Variants in ALK observed in about 807,000 individuals in gnomAD.
ALK encodes ALK tyrosine kinase receptor.
A neutral mutation model predicts 163.1 loss-of-function variants in ALK; 74 were observed. The observed-to-expected ratio is 0.45, with a 90% CI of 0.38 to 0.55. The LOEUF is 0.55. Ranked by LOEUF, ALK falls within the 20% of genes least tolerant of loss-of-function variation. ALK has a pLI of 0.00. For missense variants in ALK, 2,063 were observed against 2,105.3 expected, an observed-to-expected ratio of 0.98 and a Z score of 0.39; for synonymous variants, 960 against 843.2, an observed-to-expected ratio of 1.14 and a Z score of -2.40.
chr2:29,315,462 C>G (rs976177501), intron 8 of ALK, among the ~76,000 whole-genome samples: 3 of 152,122 alleles, frequency 2.0e-5, no homozygotes, highest in Non-Finnish European at 4.4e-5. Flanking sequence ...AGTGACATCA[C>G]GCTATTTGGG....
chr2:29,293,072 G>A lies in ALK; in HGVS notation c.1817+3816C>T, dbSNP rs545852364. ...CAAAGAAAGCACAGGTACCAGGCAA[G>A]TCCCTAAAGATAATTCCTTGTCACA... On this transcript the variant is annotated intron_variant, in intron 9 of 28. Coordinates refer to ENST00000389048, the MANE Select transcript of ALK (RefSeq NM_004304.5). Among the ~76,000 whole-genome samples, 147 of 152,338 alleles carry A rather than the reference G, an allele frequency of 9.6e-4. 1 individual carries two copies. Among genetic ancestry groups the A allele is most frequent in the Non-Finnish European group, 1.9e-3 (128 of 68,030 alleles).
intron 1 of ALK, among the ~76,000 whole-genome samples, chr2:29,907,628 T>A (rs1371017904): frequency 1.3e-5 from 2 of 152,224 alleles, no homozygotes; most frequent in Non-Finnish European, 2.9e-5. Context: ...TGTCTAATTA[T>A]GAACTTTCCT....
intron 4 of ALK, among the ~76,000 whole-genome samples, chr2:29,485,413 A>G (rs1356988710): frequency 1.3e-5 from 2 of 152,178 alleles, no homozygotes; most frequent in African/African-American, 4.8e-5. Flanking sequence ...TCTTTTCCAT[A>G]TCTACCTGTT....
At chr2:29,530,428 C>G (rs1210784150) in intron 4 of ALK, among the ~76,000 whole-genome samples, 2 of 152,222 alleles carry the variant, frequency 1.3e-5, no homozygotes, top group Non-Finnish European at 2.9e-5. Flanking sequence ...CTCCACCTCT[C>G]CCAGCCACAT....
Position 29,747,533 on chromosome 2 carries a change from C to G in ALK, c.668-29836G>C, listed in dbSNP as rs184913897. Among the ~76,000 whole-genome samples, 235 of 152,304 alleles carry G rather than the reference C, an allele frequency of 1.5e-3. 4 individuals are homozygous for G. The highest frequency in any genetic ancestry group is 3.1e-4 in the Non-Finnish European group (21 of 68,030). ...CAGAGAGGGGCTGATGTCTCTGTCT[C>G]CCTTCCCACCCCATCCTGGGAGACA... On this transcript the variant is annotated intron_variant, in intron 1 of 28. Transcript: ENST00000389048.
At chr2:29,466,059 C>T (rs1284178604) in intron 4 of ALK, among the ~76,000 whole-genome samples, 2 of 152,122 alleles carry the variant, frequency 1.3e-5, no homozygotes, top group African/African-American at 4.8e-5. Flanking sequence ...AACCCTAGAA[C>T]ACCCACCAAA....
intron 5 of ALK, among the ~76,000 whole-genome samples, chr2:29,382,114 C>T (rs529813854): frequency 2.0e-5 from 3 of 152,310 alleles, no homozygotes; most frequent in Non-Finnish European, 4.4e-5. Context: ...ACCATGAGAA[C>T]TTCCCCAGGT....
chr2:29,420,666 C>T (rs949473979), intron 4 of ALK, among the ~76,000 whole-genome samples: 2 of 151,540 alleles, frequency 1.3e-5, no homozygotes, highest in South Asian at 2.1e-4. Context: ...CCCGCGACTC[C>T]TCTGTGCGGA....
intron 8 of ALK, among the ~76,000 whole-genome samples, chr2:29,307,183 G>T (rs568709253): frequency 1.3e-5 from 2 of 152,334 alleles, no homozygotes; most frequent in East Asian, 3.9e-4. Flanking sequence ...TCAACCCACA[G>T]AAAATACTGT....
At chr2:29,651,097 C>T (rs1005982272) in intron 3 of ALK, among the ~76,000 whole-genome samples, 1 of 152,052 alleles carries the variant, frequency 6.6e-6, no homozygotes, top group African/African-American at 2.4e-5. Flanking sequence ...TCTCAGCCCC[C>T]TCTATGACAA....
intron 2 of ALK, among the ~76,000 whole-genome samples, chr2:29,710,283 C>G (rs1679038484): frequency 6.6e-6 from 1 of 152,080 alleles, no homozygotes; most frequent in Admixed American, 6.6e-5. Context: ...AACCTCTTTC[C>G]TTTATAAATT....
At chr2:29,685,172 T>C (rs1678199221) in intron 3 of ALK, among the ~76,000 whole-genome samples, 2 of 152,166 alleles carry the variant, frequency 1.3e-5, no homozygotes, top group Admixed American at 1.3e-4. Context: ...TATGAGCCAG[T>C]TGGCAGCTCA....
intron 4 of ALK, among the ~76,000 whole-genome samples, chr2:29,502,205 T>G (rs1672206640): frequency 6.6e-6 from 1 of 152,156 alleles, no homozygotes; most frequent in Non-Finnish European, 1.5e-5. Flanking sequence ...GCACCCTTAG[T>G]AACGAATTTG....
At position 29,206,283 on chromosome 2, in the gene ALK, C is replaced by T. The variant is rs116064824; in HGVS notation, c.3938+888G>A. On this transcript the variant is annotated intron_variant, in intron 26 of 28. Coordinates refer to ENST00000389048, the MANE Select transcript of ALK (RefSeq NM_004304.5). ...CTTTCTTTCTCTCTCTCGTTCCCTC[C>T]CTCCCTCTCTCTCCCCCTCTCTTGC... Among the ~76,000 whole-genome samples the T allele has an allele frequency of 8.9e-3, 1,347 of 150,786 alleles. 18 individuals are homozygous for T. The highest frequency in any genetic ancestry group is 0.031 in the African/African-American group (1,260 of 40,920).
chr2:29,568,124 A>G (rs1674246544), intron 3 of ALK, among the ~76,000 whole-genome samples: 1 of 152,232 alleles, frequency 6.6e-6, no homozygotes, highest in Non-Finnish European at 1.5e-5. Context: ...ACACAGAGAC[A>G]TCCATATGTC....
intron 3 of ALK, among the ~76,000 whole-genome samples, chr2:29,549,235 TG>T (rs1274160007): frequency 1.1e-4 from 17 of 152,074 alleles, no homozygotes; most frequent in Admixed American, 3.9e-4. Flanking sequence ...TTTCTTACTG[TG>T]AATCACAGTT....
intron 4 of ALK, among the ~76,000 whole-genome samples, chr2:29,471,740 CT>C (rs112148653): frequency 0.28 from 40,518 of 145,522 alleles, 5,917 homozygotes; most frequent in Middle Eastern, 0.35. Flanking sequence ...ACTTTCTTTT[CT>C]TTTTTTTTTT....
intron 1 of ALK, among the ~76,000 whole-genome samples, chr2:29,877,626 T>C (rs1318903796): frequency 1.3e-5 from 2 of 152,188 alleles, no homozygotes; most frequent in Non-Finnish European, 2.9e-5. Context: ...TTTAACTGAA[T>C]GAATTCATGA....
At chr2:29,508,922 C>A (rs6740714) in intron 4 of ALK, among the ~76,000 whole-genome samples, 45,036 of 151,612 alleles carry the variant, frequency 0.3, 6,894 homozygotes, top group East Asian at 0.32. Flanking sequence ...TCAAGGTGTG[C>A]ATTATTAAAA....
Sources: gnomAD v4.1 joint callset for allele counts (sites outside exome capture counted in the v4.1 genomes callset) on GRCh38, gnomAD v4.1.1 for gene constraint, MANE v1.5 for transcripts, NCBI Gene and HGNC (gene_info 2026-07-23, HGNC 2026-07-21) for gene names.